ERC1: variants seen among roughly 807,000 people sequenced by gnomAD.
ERC1 encodes the protein ELKS/RAB6-interacting/CAST family member 1.
In ERC1, 56 loss-of-function variants were observed where a neutral mutation model predicts 132.0. The observed-to-expected ratio is 0.42, with a 90% CI of 0.34 to 0.53. The LOEUF (loss-of-function observed/expected upper bound fraction) is 0.53. ERC1 is among the 20% of genes least tolerant of loss of function. The pLI is 0.03. For missense variants in ERC1, 1,202 were observed against 1,349.9 expected (o/e 0.89, Z 1.72); for synonymous variants, 478 against 476.1 (o/e 1.00, Z -0.05).
chr12:1,408,725 C>A (rs916681773), intron 17 of ERC1, among the ~76,000 whole-genome samples: 1 of 152,210 alleles, frequency 6.6e-6, no homozygotes, highest in African/African-American at 2.4e-5. Context: ...CTTAGTTCTT[C>A]ACTCCCTGTC....
intron 3 of ERC1, among the ~76,000 whole-genome samples, chr12:1,103,725 A>G (rs529137919): frequency 5.9e-5 from 9 of 152,220 alleles, no homozygotes; most frequent in Admixed American, 5.9e-4. Context: ...AGGAGTAGAG[A>G]TGACATCTTG....
At chr12:1,182,912 CT>C (rs1305176208) in intron 10 of ERC1, among the ~76,000 whole-genome samples, 2 of 152,174 alleles carry the variant, frequency 1.3e-5, no homozygotes, top group Admixed American at 6.5e-5. Flanking sequence ...AGTGATCCCC[CT>C]GTCTCAGCCT....
At chr12:1,083,077 A>T in intron 2 of ERC1, 87 bp from the exon 3 acceptor site, 1 of 1,104,692 alleles carries the variant, frequency 9.1e-7, no homozygotes, top group Non-Finnish European at 1.3e-6. Context: ...GATTTCTTGT[A>T]GCTATTTTTG....
At chr12:1,225,190 T>G (rs1220726346) in intron 12 of ERC1, among the ~76,000 whole-genome samples, 1 of 151,780 alleles carries the variant, frequency 6.6e-6, no homozygotes, top group Non-Finnish European at 1.5e-5. Flanking sequence ...CCAGGTGGAA[T>G]GCTCACACCT....
At chr12:1,237,586 T>A (rs191032332) in intron 13 of ERC1, among the ~76,000 whole-genome samples, 114 of 152,320 alleles carry the variant, frequency 7.5e-4, no homozygotes, top group Admixed American at 1.5e-3. Flanking sequence ...GTAATCCAAG[T>A]GGAGCAGGTG....
intron 8 of ERC1, among the ~76,000 whole-genome samples, chr12:1,146,612 G>GT (rs146362967): frequency 0.15 from 21,376 of 137,936 alleles, 1,729 homozygotes; most frequent in African/African-American, 0.18. Flanking sequence ...TTCCAGTACT[G>GT]TTTTTTTTTT....
intron 1 of ERC1, among the ~76,000 whole-genome samples, chr12:1,009,048 A>T (rs560115920): frequency 1.5e-4 from 23 of 151,822 alleles, no homozygotes; most frequent in South Asian, 4.2e-4. Flanking sequence ...ATGGGGATTT[A>T]AAAAAAGAAG....
At chr12:1,108,639 G>T (rs2154201375) in intron 4 of ERC1, among the ~76,000 whole-genome samples, 1 of 152,292 alleles carries the variant, frequency 6.6e-6, no homozygotes, top group South Asian at 2.1e-4. Flanking sequence ...TAGTGCAATT[G>T]AAGTAGTACT....
chr12:1,372,548 A>G (rs573269230), intron 16 of ERC1, among the ~76,000 whole-genome samples: 2 of 152,376 alleles, frequency 1.3e-5, no homozygotes, highest in Admixed American at 1.3e-4. Context: ...CCATCAACTT[A>G]AAAATCGTTA....
intron 2 of ERC1, among the ~76,000 whole-genome samples, chr12:1,050,931 G>A (rs1278235956): frequency 6.6e-6 from 1 of 152,092 alleles, no homozygotes; most frequent in East Asian, 1.9e-4. Context: ...CTTGAACCCG[G>A]GAGGCGGAAG....
intron 17 of ERC1, among the ~76,000 whole-genome samples, chr12:1,424,462 A>G (rs1054853311): frequency 6.6e-6 from 1 of 152,226 alleles, no homozygotes; most frequent in Non-Finnish European, 1.5e-5. Context: ...TTAGCTGTTT[A>G]AAACAAAGTG....
chr12:1,337,039 C>T (rs1051946993), intron 15 of ERC1, among the ~76,000 whole-genome samples: 10 of 152,180 alleles, frequency 6.6e-5, no homozygotes, highest in African/African-American at 2.4e-4. Context: ...TGATCTCAAA[C>T]TCCTAACCTC....
intron 16 of ERC1, among the ~76,000 whole-genome samples, chr12:1,390,224 A>G (rs2089827897): frequency 6.6e-6 from 1 of 152,196 alleles, no homozygotes; most frequent in Non-Finnish European, 1.5e-5. Context: ...AAACATCTAA[A>G]CAGGGATAAG....
At chr12:1,214,047 C>CAG (rs1958142126) in intron 12 of ERC1, among the ~76,000 whole-genome samples, 1 of 152,142 alleles carries the variant, frequency 6.6e-6, no homozygotes, top group Non-Finnish European at 1.5e-5. Context: ...TTCCTAAGAA[C>CAG]AGAGGAATAC....
At chr12:1,120,505 C>T (rs1261040287) in intron 7 of ERC1, among the ~76,000 whole-genome samples, 1 of 152,190 alleles carries the variant, frequency 6.6e-6, no homozygotes, top group East Asian at 1.9e-4. Context: ...TGAGGCTACT[C>T]TCACTAGTAA....
chr12:1,021,390 G>A (rs1438565861), intron 1 of ERC1, among the ~76,000 whole-genome samples: 2 of 152,054 alleles, frequency 1.3e-5, no homozygotes, highest in African/African-American at 2.4e-5. Context: ...ACAAAGAGCA[G>A]GCCTACTTAC....
intron 15 of ERC1, among the ~76,000 whole-genome samples, chr12:1,327,106 A>G (rs1199933789): frequency 6.6e-6 from 1 of 152,150 alleles, no homozygotes; most frequent in African/African-American, 2.4e-5. Context: ...CATCTACCAC[A>G]TTACTGGCCT....
chr12:1,159,613 A>G (rs1162493627), intron 8 of ERC1, among the ~76,000 whole-genome samples: 1 of 151,924 alleles, frequency 6.6e-6, no homozygotes, highest in African/African-American at 2.4e-5. Context: ...TTTGGAGCTT[A>G]CTCTTTGGCA....
intron 16 of ERC1, among the ~76,000 whole-genome samples, chr12:1,395,934 T>TA (rs34938767): frequency 4.5e-4 from 67 of 148,618 alleles, no homozygotes; most frequent in East Asian, 4.5e-3. Flanking sequence ...CATGGAGTCT[T>TA]AAAAAAAAAA....
Sources: gnomAD v4.1 joint callset for allele counts (sites outside exome capture counted in the v4.1 genomes callset) on GRCh38, gnomAD v4.1.1 for gene constraint, MANE v1.5 for transcripts, NCBI Gene and HGNC (gene_info 2026-07-23, HGNC 2026-07-21) for gene names.